Variants in CARMIL1 observed in about 807,000 individuals in gnomAD.
CARMIL1 encodes the protein capping protein regulator and myosin 1 linker 1.
In CARMIL1, 90 loss-of-function variants were observed where a neutral mutation model predicts 177.1. The observed-to-expected ratio is 0.51, with a 90% CI of 0.43 to 0.61. CARMIL1 has a LOEUF of 0.61. Ranked by LOEUF, CARMIL1 falls within the 20% of genes least tolerant of loss-of-function variation. The pLI, the probability that CARMIL1 is intolerant of heterozygous loss-of-function variation, is 0.00. For missense variants in CARMIL1, 1,380 were observed against 1,667.0 expected, an observed-to-expected ratio of 0.83 and a Z score of 3.00; for synonymous variants, 577 against 606.2, an observed-to-expected ratio of 0.95 and a Z score of 0.71.
intron 29 of CARMIL1, among the ~76,000 whole-genome samples, chr6:25,557,872 T>A (rs1810770213): frequency 6.6e-6 from 1 of 152,166 alleles, no homozygotes; most frequent in Non-Finnish European, 1.5e-5. Flanking sequence ...ATTTGAGGGT[T>A]CTCTATGTAA....
chr6:25,456,000 C>T (rs1341095721), intron 8 of CARMIL1, among the ~76,000 whole-genome samples: 4 of 152,312 alleles, frequency 2.6e-5, no homozygotes, highest in African/African-American at 4.8e-5. Context: ...AGAGCCCCTA[C>T]TACTGTCCTC....
chr6:25,420,094 C>G lies in CARMIL1; in HGVS notation c.139-20C>G. On this transcript the variant is annotated intron_variant, in intron 2 of 36. Coordinates refer to ENST00000329474, the MANE Select transcript of CARMIL1 (RefSeq NM_017640.6). ...CCACTTTTTGGTGCTTATACTGATG[C>G]TGCTGCTTCTGTCTTACAGGTCCTT... is the stretch of plus-strand genomic sequence containing the variant. 1 of 1,606,142 alleles carries G rather than the reference C, an allele frequency of 6.2e-7. No homozygotes were observed. Among genetic ancestry groups the G allele is most frequent in the Non-Finnish European group, 8.5e-7 (1 of 1,172,818 alleles).
At chr6:25,556,143 A>G (rs116826341) in intron 28 of CARMIL1, among the ~76,000 whole-genome samples, 90 of 152,340 alleles carry the variant, frequency 5.9e-4, no homozygotes, top group African/African-American at 2.0e-3. Context: ...CAGAAGAATT[A>G]AATCAAAGTT....
intron 5 of CARMIL1, among the ~76,000 whole-genome samples, chr6:25,449,639 T>C (rs540394717): frequency 1.7e-4 from 26 of 152,338 alleles, no homozygotes; most frequent in Non-Finnish European, 2.5e-4. Context: ...TAACAAAATC[T>C]AACATTATAA....
intron 24 of CARMIL1, among the ~76,000 whole-genome samples, chr6:25,530,323 A>G (rs1338068639): frequency 6.6e-6 from 1 of 152,180 alleles, no homozygotes; most frequent in East Asian, 1.9e-4. Context: ...CAGGCTGGCC[A>G]AGGTGGTGAA....
At chr6:25,586,462 C>T (rs1421523350) in intron 31 of CARMIL1, among the ~76,000 whole-genome samples, 1,682 of 146,542 alleles carry the variant, frequency 0.011, 49 homozygotes, top group African/African-American at 0.038. Context: ...GCGCTCCTCA[C>T]TTCCCAGACT....
intron 4 of CARMIL1, among the ~76,000 whole-genome samples, chr6:25,432,631 T>C (rs930451676): frequency 2.6e-5 from 4 of 152,218 alleles, no homozygotes; most frequent in Admixed American, 6.5e-5. Flanking sequence ...TTTGTACAAC[T>C]GAATACCTGC....
chr6:25,380,817 C>G (rs1229256367), intron 2 of CARMIL1, among the ~76,000 whole-genome samples: 1 of 152,098 alleles, frequency 6.6e-6, no homozygotes, highest in East Asian at 1.9e-4. Flanking sequence ...TAAGGAGCCA[C>G]AGTCTAGACT....
At chr6:25,562,091 C>T (rs1483873521) in intron 29 of CARMIL1, among the ~76,000 whole-genome samples, 1 of 152,010 alleles carries the variant, frequency 6.6e-6, no homozygotes, top group Non-Finnish European at 1.5e-5. Flanking sequence ...ATATTTGTTA[C>T]AGTCCTTTGT....
rs73731126 is a variant in CARMIL1, at chr6:25,423,460, T to G, written c.190-3041T>G. Among the ~76,000 whole-genome samples the G allele has an allele frequency of 1.5e-3, 234 of 151,894 alleles. 2 individuals are homozygous for G. The highest frequency in any genetic ancestry group is 5.3e-3 in the African/African-American group (221 of 41,412). ...ACCCATCAGCCGGGCAAATAAAGGG[T>G]TTTATACTGGCCAAAAGGCTTAGCA... is the stretch of plus-strand genomic sequence containing the variant. On this transcript the variant is annotated intron_variant, in intron 3 of 36. Coordinates refer to ENST00000329474, the MANE Select transcript of CARMIL1 (RefSeq NM_017640.6).
At chr6:25,491,276 A>G (rs963154004) in intron 13 of CARMIL1, among the ~76,000 whole-genome samples, 8 of 152,208 alleles carry the variant, frequency 5.3e-5, no homozygotes, top group African/African-American at 1.9e-4. Context: ...AAAAATCATT[A>G]TGTCGGACAG....
chr6:25,412,170 A>G (rs1397744395), intron 2 of CARMIL1, among the ~76,000 whole-genome samples: 1 of 152,376 alleles, frequency 6.6e-6, no homozygotes, highest in South Asian at 2.1e-4. Flanking sequence ...AATAACAGTA[A>G]CAGACACCAT....
chr6:25,459,266 C>CTTTTTT lies in CARMIL1; in HGVS notation c.615-6598_615-6593dup, dbSNP rs769702901. On this transcript the variant is annotated intron_variant, in intron 8 of 36. Transcript: ENST00000329474. Reference sequence around the variant, plus strand: ...TCTTTCTTTCTTTCTTTCTTTCTTTCTTTTTTTTTTTTTTAAGACAGGGTC... The same window carrying CTTTTTT: ...TCTTTCTTTCTTTCTTTCTTTCTTTCTTTTTTTTTTTTTTTTTTTTAAGACAGGGTC... Among the ~76,000 whole-genome samples the CTTTTTT allele has an allele frequency of 1.8e-4, 13 of 73,766 alleles. 1 individual carries two copies. The highest frequency in any genetic ancestry group is 3.7e-4 in the East Asian group (1 of 2,696). The allele number at this position is 73,766 out of a possible 152,430, so 48.4% of individuals were successfully genotyped here.
chr6:25,325,878 CTT>C (rs997275634), intron 2 of CARMIL1, among the ~76,000 whole-genome samples: 1 of 149,002 alleles, frequency 6.7e-6, no homozygotes, highest in Non-Finnish European at 1.5e-5. Context: ...TCAGATGAGA[CTT>C]TTTTTTTTGA....
intron 2 of CARMIL1, among the ~76,000 whole-genome samples, chr6:25,332,258 C>G (rs760865): frequency 0.13 from 20,497 of 152,092 alleles, 1,432 homozygotes; most frequent in Middle Eastern, 0.19. Context: ...AGCCTAGGAG[C>G]CTTTTCCCCA....
At chr6:25,551,874 A>C (rs1012125941) in intron 27 of CARMIL1, among the ~76,000 whole-genome samples, 3 of 152,152 alleles carry the variant, frequency 2.0e-5, no homozygotes, top group African/African-American at 7.2e-5. Flanking sequence ...GTGCTAACAC[A>C]CAATGATACA....
At chr6:25,322,358 A>G (rs1171043552) in intron 2 of CARMIL1, among the ~76,000 whole-genome samples, 1 of 151,386 alleles carries the variant, frequency 6.6e-6, no homozygotes, top group Non-Finnish European at 1.5e-5. Flanking sequence ...CCTGACCTCA[A>G]GTGATCCGCC....
chr6:25,560,886 T>C (rs1026371825), intron 29 of CARMIL1, among the ~76,000 whole-genome samples: 1 of 152,210 alleles, frequency 6.6e-6, no homozygotes, highest in African/African-American at 2.4e-5. Flanking sequence ...TTTTAAACAT[T>C]GTTGGAAACG....
At chr6:25,365,486 C>A (rs1208204133) in intron 2 of CARMIL1, among the ~76,000 whole-genome samples, 1 of 152,134 alleles carries the variant, frequency 6.6e-6, no homozygotes, top group Non-Finnish European at 1.5e-5. Context: ...CGCAGTAGTG[C>A]CAGATGCTGT....
Sources: allele counts gnomAD v4.1 joint callset (sites outside exome capture counted in the v4.1 genomes callset), GRCh38; gene constraint gnomAD v4.1.1; transcripts MANE v1.5; gene names NCBI Gene and HGNC (gene_info 2026-07-23, HGNC 2026-07-21).